PBRM1: variants seen among roughly 807,000 people sequenced by gnomAD.
The protein encoded by PBRM1 is polybromo 1.
A neutral mutation model predicts 194.5 loss-of-function variants in PBRM1; 27 were observed. The ratio of observed to expected loss-of-function variants is 0.14; its 90% confidence interval spans 0.10 to 0.19. The LOEUF is 0.19. Among genes scored for constraint, PBRM1 ranks in the 10% least tolerant of loss-of-function variants. The pLI is 1.00. For synonymous variants in PBRM1, 655 were observed against 693.2 expected (o/e 0.94, Z 0.87); for missense variants, 1,466 against 2,077.2 (o/e 0.71, Z 5.72).
At chr3:52,629,016 C>T in exon 12 of PBRM1, 2 of 1,608,420 alleles carry the variant, frequency 1.2e-6, no homozygotes, top group Non-Finnish European at 1.7e-6. Context: ...GTTTCATATT[C>T]TTGATTCTTC....
chr3:52,663,948 T>G (rs1450704698), intron 3 of PBRM1, among the ~76,000 whole-genome samples: 1 of 151,592 alleles, frequency 6.6e-6, no homozygotes, highest in Non-Finnish European at 1.5e-5. Context: ...TAGTCCCAGC[T>G]ACTTGGGAGG....
exon 2 of PBRM1, chr3:52,678,545 T>C (rs771509389): frequency 2.5e-6 from 4 of 1,613,770 alleles, no homozygotes; most frequent in East Asian, 2.2e-5. Context: ...AAGTCTGCCC[T>C]GTTCATCCTT....
At chr3:52,575,226 CCAAACAAA>C (rs71084192) in intron 22 of PBRM1, among the ~76,000 whole-genome samples, 5 of 150,954 alleles carry the variant, frequency 3.3e-5, no homozygotes, top group East Asian at 1.9e-4. Flanking sequence ...TTAAAACAAA[CCAAACAAA>C]CAAACAAACA....
At chr3:52,678,807 T>C (rs1303900805) in intron 1 of PBRM1, among the ~76,000 whole-genome samples, 3 of 152,228 alleles carry the variant, frequency 2.0e-5, no homozygotes, top group African/African-American at 7.2e-5. Context: ...GTATCTTTCA[T>C]CAGATTTATG....
chr3:52,614,232 G>A (rs2094815996), intron 15 of PBRM1, among the ~76,000 whole-genome samples: 2 of 151,840 alleles, frequency 1.3e-5, no homozygotes, highest in Non-Finnish European at 2.9e-5. Context: ...AAAACTGGCT[G>A]GGCCTGGTGG....
intron 2 of PBRM1, among the ~76,000 whole-genome samples, chr3:52,675,029 C>A (rs951453264): frequency 6.6e-6 from 1 of 151,786 alleles, no homozygotes; most frequent in African/African-American, 2.4e-5. Flanking sequence ...ATGCAAATAA[C>A]TAAAATCATA....
intron 25 of PBRM1, 87 bp from the exon 28 acceptor site, chr3:52,558,500 C>T: frequency 8.7e-7 from 1 of 1,146,648 alleles, no homozygotes; most frequent in Non-Finnish European, 1.2e-6. Context: ...CTAGTAAAAA[C>T]ACAGGCAACA....
chr3:52,684,734 T>C (rs1306497239), intron 1 of PBRM1: 1 of 152,234 alleles, frequency 6.6e-6, no homozygotes, highest in Non-Finnish European at 1.5e-5. Flanking sequence ...TTTACTTATC[T>C]TGGGAATTTT....
chr3:52,562,326 C>CA (rs11295230), intron 24 of PBRM1, among the ~76,000 whole-genome samples: 40 of 122,266 alleles, frequency 3.3e-4, no homozygotes, highest in Admixed American at 2.7e-3. Context: ...GACTCTGTCT[C>CA]AAAAAAAAAA....
intron 1 of PBRM1, among the ~76,000 whole-genome samples, chr3:52,678,949 G>T (rs1327798637): frequency 1.3e-5 from 2 of 152,090 alleles, no homozygotes; most frequent in African/African-American, 4.8e-5. Context: ...CTGACAGAAG[G>T]GTTTATCACT....
At chr3:52,632,492 G>T (rs1297112814) in intron 11 of PBRM1, among the ~76,000 whole-genome samples, 1 of 152,118 alleles carries the variant, frequency 6.6e-6, no homozygotes, top group East Asian at 1.9e-4. Flanking sequence ...TGAGGCAGAA[G>T]GATCCCTTGA....
At chr3:52,559,540 A>G (rs2082955031) in intron 25 of PBRM1, among the ~76,000 whole-genome samples, 3 of 152,144 alleles carry the variant, frequency 2.0e-5, no homozygotes, top group Admixed American at 6.5e-5. Context: ...CAGCAACCCT[A>G]TGGCCCTAAC....
chr3:52,665,662 G>A (rs2096819526), intron 3 of PBRM1, among the ~76,000 whole-genome samples: 1 of 152,154 alleles, frequency 6.6e-6, no homozygotes, highest in Non-Finnish European at 1.5e-5. Context: ...GAGCATGCAA[G>A]AGATCTAGGC....
At chr3:52,568,159 A>G (rs2085937570) in intron 22 of PBRM1, among the ~76,000 whole-genome samples, 1 of 151,898 alleles carries the variant, frequency 6.6e-6, no homozygotes, top group South Asian at 2.1e-4. Flanking sequence ...TTGTAGTTTT[A>G]GTACAGACAG....
At chr3:52,644,820 AG>A (rs1424876936) in intron 7 of PBRM1, 31 bp from the exon 9 acceptor site, 2 of 1,090,946 alleles carry the variant, frequency 1.8e-6, no homozygotes, top group Non-Finnish European at 2.8e-6. Context: ...GGTTTAAAAA[AG>A]GAACAGATAA....
intron 11 of PBRM1, among the ~76,000 whole-genome samples, chr3:52,632,694 T>TC (rs893706445): frequency 4.6e-5 from 7 of 151,650 alleles, no homozygotes; most frequent in African/African-American, 1.5e-4. Context: ...ACCTTTTTTT[T>TC]TTTTTTTTTT....
chr3:52,611,982 G>C (rs1007775896), intron 15 of PBRM1, among the ~76,000 whole-genome samples: 1 of 152,056 alleles, frequency 6.6e-6, no homozygotes, highest in South Asian at 2.1e-4. Context: ...GTATCGGGCT[G>C]GGCATGGTGG....
intron 17 of PBRM1, among the ~76,000 whole-genome samples, chr3:52,595,171 A>G (rs1398793578): frequency 1.3e-5 from 2 of 151,358 alleles, no homozygotes; most frequent in Non-Finnish European, 2.9e-5. Context: ...AGTTCCTTCA[A>G]TCTTTAAAGT....
At chr3:52,632,855 G>T (rs2095666613) in intron 11 of PBRM1, among the ~76,000 whole-genome samples, 1 of 151,864 alleles carries the variant, frequency 6.6e-6, no homozygotes. Flanking sequence ...CACTACGCCT[G>T]GCTAATTTTT....
Sources: gnomAD v4.1 joint callset for allele counts (sites outside exome capture counted in the v4.1 genomes callset) on GRCh38, gnomAD v4.1.1 for gene constraint, MANE v1.5 for transcripts, NCBI Gene and HGNC (gene_info 2026-07-23, HGNC 2026-07-21) for gene names.